Variants in SLC35F3 observed in about 807,000 individuals in gnomAD.
SLC35F3 encodes solute carrier family 35 member F3.
A neutral mutation model predicts 49.9 loss-of-function variants in SLC35F3; 25 were observed. The observed-to-expected ratio is 0.50, with a 90% CI of 0.37 to 0.70. The LOEUF is 0.70. SLC35F3 is among the 30% of genes least tolerant of loss of function. The pLI, the probability that SLC35F3 is intolerant of heterozygous loss-of-function variation, is 0.00. For missense variants in SLC35F3, 525 were observed against 639.8 expected (o/e 0.82, Z 1.94); for synonymous variants, 275 against 265.4 (o/e 1.04, Z -0.35).
At chr1:233,951,550 C>T (rs996752286) in intron 2 of SLC35F3, among the ~76,000 whole-genome samples, 2 of 152,072 alleles carry the variant, frequency 1.3e-5, no homozygotes, top group African/African-American at 4.8e-5. Flanking sequence ...TTGCCTACAG[C>T]AGGGGTTCCC....
chr1:234,210,523 C>A, intron 2 of SLC35F3, among the ~76,000 whole-genome samples: 1 of 152,146 alleles, frequency 6.6e-6, no homozygotes, highest in East Asian at 1.9e-4. Context: ...CTGAGGTGGT[C>A]TCAGATGGAG....
intron 2 of SLC35F3, among the ~76,000 whole-genome samples, chr1:234,084,481 G>T (rs1664931704): frequency 1.3e-5 from 2 of 152,126 alleles, no homozygotes; most frequent in Admixed American, 1.3e-4. Flanking sequence ...AACTTTTGCA[G>T]CCTAAAATGC....
At chr1:233,919,749 T>TC (rs1342494321) in intron 2 of SLC35F3, among the ~76,000 whole-genome samples, 1 of 152,070 alleles carries the variant, frequency 6.6e-6, no homozygotes, top group East Asian at 1.9e-4. Context: ...GTTCTGTCCT[T>TC]CCCCCCGGCT....
intron 2 of SLC35F3, among the ~76,000 whole-genome samples, chr1:234,074,083 G>A (rs892962190): frequency 4.3e-4 from 65 of 152,222 alleles, no homozygotes; most frequent in African/African-American, 1.3e-3. Flanking sequence ...TTTAAGAAAC[G>A]TCCCTCTTGT....
At chr1:234,258,403 C>T (rs1193780460) in intron 3 of SLC35F3, among the ~76,000 whole-genome samples, 1 of 152,172 alleles carries the variant, frequency 6.6e-6, no homozygotes, top group Non-Finnish European at 1.5e-5. Flanking sequence ...AATGATATTA[C>T]CTGTGGGAGC....
chr1:233,976,723 G>C (rs1360019922), intron 2 of SLC35F3, among the ~76,000 whole-genome samples: 1 of 151,992 alleles, frequency 6.6e-6, no homozygotes, highest in Non-Finnish European at 1.5e-5. Flanking sequence ...CAATTCTCCT[G>C]CCTCAGCCTC....
intron 2 of SLC35F3, among the ~76,000 whole-genome samples, chr1:234,130,310 T>C (rs1305383639): frequency 6.6e-6 from 1 of 152,096 alleles, no homozygotes; most frequent in Non-Finnish European, 1.5e-5. Flanking sequence ...AAATCACACT[T>C]TATACCACTA....
intron 2 of SLC35F3, among the ~76,000 whole-genome samples, chr1:234,114,866 T>C (rs1217099817): frequency 6.6e-6 from 1 of 152,110 alleles, no homozygotes; most frequent in Non-Finnish European, 1.5e-5. Flanking sequence ...GCGGCGTGCA[T>C]TTGAGATGCG....
In SLC35F3 at chr1:233,933,475, C is replaced by T. The variant is rs1404428417; in HGVS notation, c.283+27717C>T. Among the ~76,000 whole-genome samples, 4 of 152,246 alleles carry T rather than the reference C, an allele frequency of 2.6e-5. No individual in the cohort carries two copies. In the East Asian group the frequency reaches 5.8e-4, roughly 22 times the overall value. On this transcript the variant is annotated intron_variant, in intron 2 of 7. Transcript: ENST00000366618. The stretch of plus-strand genomic sequence containing the variant: ...GCAATCATCCTGCTACAGGCGCACA[C>T]TACCATGCCCAGTTAATTATTTATT...
At chr1:234,182,766 T>C (rs113231102) in intron 2 of SLC35F3, among the ~76,000 whole-genome samples, 7 of 152,324 alleles carry the variant, frequency 4.6e-5, no homozygotes, top group African/African-American at 1.7e-4. Flanking sequence ...TCCAATTTGA[T>C]AAATGAGAAA....
chr1:234,003,061 A>G (rs1663577469), intron 2 of SLC35F3, among the ~76,000 whole-genome samples: 1 of 151,638 alleles, frequency 6.6e-6, no homozygotes, highest in African/African-American at 2.4e-5. Context: ...TACTCCAGAC[A>G]CATTTTGTAT....
chr1:234,291,200 C>T (rs928805066), intron 3 of SLC35F3, among the ~76,000 whole-genome samples: 2 of 152,194 alleles, frequency 1.3e-5, no homozygotes, highest in South Asian at 4.1e-4. Flanking sequence ...AGGCAATACC[C>T]GTCATTCAAT....
At chr1:233,997,960 C>G (rs1663487428) in intron 2 of SLC35F3, among the ~76,000 whole-genome samples, 1 of 152,112 alleles carries the variant, frequency 6.6e-6, no homozygotes, top group African/African-American at 2.4e-5. Context: ...CCATGTTGGT[C>G]AGGCTGGTCT....
intron 1 of SLC35F3, 128 bp from the exon 2 acceptor site, chr1:233,905,401 G>T: frequency 2.6e-6 from 2 of 763,546 alleles, no homozygotes; most frequent in Non-Finnish European, 4.1e-6. Context: ...GCTCTGCCGC[G>T]GCGCTCGCCC....
intron 3 of SLC35F3, chr1:234,285,325 GA>G: frequency 4.1e-6 from 2 of 482,198 alleles, no homozygotes; most frequent in Non-Finnish European, 4.2e-6. Context: ...TTCTTGGGTG[GA>G]AAATACATCC....
chr1:233,906,707 A>G (rs1301814640), intron 2 of SLC35F3, among the ~76,000 whole-genome samples: 1 of 152,056 alleles, frequency 6.6e-6, no homozygotes, highest in African/African-American at 2.4e-5. Flanking sequence ...AACATTATTT[A>G]TTGGTCTTTA....
chr1:234,222,848 G>T (rs1572101769), intron 2 of SLC35F3, among the ~76,000 whole-genome samples: 1 of 152,204 alleles, frequency 6.6e-6, no homozygotes, highest in Non-Finnish European at 1.5e-5. Flanking sequence ...TGGGTTTTGT[G>T]TGCAGGTCAT....
intron 2 of SLC35F3, among the ~76,000 whole-genome samples, chr1:233,981,106 T>G (rs924754035): frequency 1.3e-5 from 2 of 152,198 alleles, no homozygotes; most frequent in Non-Finnish European, 2.9e-5. Context: ...CATTCAGTTT[T>G]CCCCGCTGGT....
chr1:234,143,642 C>T (rs1665954074), intron 2 of SLC35F3, among the ~76,000 whole-genome samples: 1 of 152,150 alleles, frequency 6.6e-6, no homozygotes, highest in African/African-American at 2.4e-5. Flanking sequence ...CTGGTATTTG[C>T]TGTTCTGTGC....
Sources: allele counts gnomAD v4.1 joint callset (sites outside exome capture counted in the v4.1 genomes callset), GRCh38; gene constraint gnomAD v4.1.1; transcripts MANE v1.5; gene names NCBI Gene and HGNC (gene_info 2026-07-23, HGNC 2026-07-21).